The following GABBR2 variants were observed in gnomAD, a reference collection of about 807,000 sequenced individuals.
The protein encoded by GABBR2 is gamma-aminobutyric acid type B receptor subunit 2.
Under a neutral mutation model 105.6 loss-of-function variants are expected in GABBR2, and 23 were observed. The observed-to-expected ratio is 0.22, with a 90% CI of 0.16 to 0.31. The LOEUF (loss-of-function observed/expected upper bound fraction) is 0.31. Ranked by LOEUF, GABBR2 falls within the 10% of genes least tolerant of loss-of-function variation. GABBR2 has a pLI of 1.00. For missense variants in GABBR2, 734 were observed against 1,245.5 expected (o/e 0.59, Z 6.18); for synonymous variants, 478 against 499.7 (o/e 0.96, Z 0.58).
intron 3 of GABBR2, among the ~76,000 whole-genome samples, chr9:98,500,154 A>G (rs1305871162): frequency 6.6e-6 from 1 of 152,262 alleles, no homozygotes; most frequent in East Asian, 1.9e-4. Flanking sequence ...TTTTCTATTA[A>G]TCTCCTTTAT....
chr9:98,655,630 T>A (rs901003384), intron 1 of GABBR2, among the ~76,000 whole-genome samples: 10 of 152,180 alleles, frequency 6.6e-5, no homozygotes, highest in Admixed American at 5.9e-4. Context: ...ATGTGGCATA[T>A]ACACACCATG....
chr9:98,375,616 C>CCATT, intron 11 of GABBR2, among the ~76,000 whole-genome samples: 1 of 152,328 alleles, frequency 6.6e-6, no homozygotes. Context: ...AGGAAGACCA[C>CCATT]AGAGAGAACT....
At chr9:98,422,762 T>G (rs1277946025) in intron 7 of GABBR2, among the ~76,000 whole-genome samples, 1 of 82,352 alleles carries the variant, frequency 1.2e-5, no homozygotes, top group African/African-American at 5.1e-5. Flanking sequence ...CCCTCCCCCC[T>G]CCCCCTACCC....
At chr9:98,607,072 A>C in intron 1 of GABBR2, 16 of 1,474,704 alleles carry the variant, frequency 1.1e-5, no homozygotes, top group African/African-American at 1.4e-5. Flanking sequence ...AAATCAGTTA[A>C]GAGATCTGGT....
At chr9:98,302,580 C>T (rs1466840367) in intron 16 of GABBR2, among the ~76,000 whole-genome samples, 1 of 152,236 alleles carries the variant, frequency 6.6e-6, no homozygotes, top group Admixed American at 6.5e-5. Context: ...CTGTCCCCCT[C>T]CCTAATCAGA....
intron 2 of GABBR2, among the ~76,000 whole-genome samples, chr9:98,559,660 C>A (rs1363045370): frequency 6.6e-6 from 1 of 152,202 alleles, no homozygotes; most frequent in East Asian, 1.9e-4. Context: ...ATTATAGATG[C>A]ATTTATCCTT....
chr9:98,305,960 C>T (rs1830544096), intron 15 of GABBR2, among the ~76,000 whole-genome samples, 161 bp downstream of exon 15: 1 of 152,048 alleles, frequency 6.6e-6, no homozygotes, highest in African/African-American at 2.4e-5. Flanking sequence ...AAAACCTGGC[C>T]TTTACTACTG....
chr9:98,595,856 G>A (rs555412459), intron 1 of GABBR2, among the ~76,000 whole-genome samples: 1 of 152,106 alleles, frequency 6.6e-6, no homozygotes, highest in Non-Finnish European at 1.5e-5. Flanking sequence ...GAGCCAATCT[G>A]GGTCTCCTCC....
chr9:98,695,739 C>T (rs1182046595), intron 1 of GABBR2, among the ~76,000 whole-genome samples: 2 of 152,316 alleles, frequency 1.3e-5, no homozygotes, highest in Non-Finnish European at 1.5e-5. Context: ...AGTATCATCC[C>T]CATCTCACGG....
At chr9:98,574,733 A>C (rs1294152274) in intron 2 of GABBR2, among the ~76,000 whole-genome samples, 2 of 152,046 alleles carry the variant, frequency 1.3e-5, no homozygotes, top group Admixed American at 6.6e-5. Context: ...GCTCATGGAG[A>C]GGCCAGGTAG....
At chr9:98,447,262 C>T (rs1826149619) in intron 7 of GABBR2, among the ~76,000 whole-genome samples, 4 of 143,566 alleles carry the variant, frequency 2.8e-5, no homozygotes, top group African/African-American at 7.7e-5. Flanking sequence ...GGGGTTTCAC[C>T]GTTTTTTAGC....
intron 6 of GABBR2, among the ~76,000 whole-genome samples, chr9:98,466,927 C>T (rs1826570235): frequency 6.6e-6 from 1 of 152,194 alleles, no homozygotes; most frequent in African/African-American, 2.4e-5. Flanking sequence ...TAGAATGATG[C>T]TTCCTTGTCA....
intron 1 of GABBR2, chr9:98,607,581 T>A: frequency 1.5e-6 from 1 of 679,748 alleles, no homozygotes; most frequent in South Asian, 1.9e-5. Context: ...GTAGTAATAC[T>A]ATCATCAAAG....
chr9:98,577,928 A>C lies in GABBR2; in HGVS notation c.459+7T>G. ...CTCCCCACAAAAGAAGGTAGCTCAGACCTTACCTGCACCAGATTCCAGCCT... is the reference window on the plus strand; with the variant it reads ...CTCCCCACAAAAGAAGGTAGCTCAGCCCTTACCTGCACCAGATTCCAGCCT... On this transcript the variant is annotated splice_region_variant and intron_variant, in intron 2 of 18. Coordinates refer to ENST00000259455, the MANE Select transcript of GABBR2 (RefSeq NM_005458.8). 3 of 1,609,254 alleles carry C rather than the reference A, an allele frequency of 1.9e-6. No individual in the cohort carries two copies. The highest frequency in any genetic ancestry group is 2.5e-6 in the Non-Finnish European group (3 of 1,177,328).
intron 13 of GABBR2, among the ~76,000 whole-genome samples, chr9:98,346,119 G>A (rs1214718865): frequency 1.3e-5 from 2 of 152,220 alleles, no homozygotes; most frequent in Non-Finnish European, 2.9e-5. Context: ...GCTGAAGGCT[G>A]GGGTGGCTGT....
intron 7 of GABBR2, among the ~76,000 whole-genome samples, chr9:98,443,678 T>C (rs1210611424): frequency 6.6e-6 from 1 of 152,204 alleles, no homozygotes; most frequent in Non-Finnish European, 1.5e-5. Context: ...TCAGCAAATA[T>C]ATTTCATGGA....
intron 2 of GABBR2, among the ~76,000 whole-genome samples, chr9:98,574,227 C>T (rs918678834): frequency 1.1e-4 from 16 of 152,364 alleles, no homozygotes; most frequent in African/African-American, 3.6e-4. Context: ...TTACCTCCCA[C>T]TACACCTTGG....
At chr9:98,659,378 T>G (rs1352636368) in intron 1 of GABBR2, among the ~76,000 whole-genome samples, 2 of 152,144 alleles carry the variant, frequency 1.3e-5, no homozygotes, top group African/African-American at 2.4e-5. Context: ...CTGGAGAAAA[T>G]CAGACGATAC....
At chr9:98,557,148 C>T (rs752800132) in intron 2 of GABBR2, among the ~76,000 whole-genome samples, 4 of 152,124 alleles carry the variant, frequency 2.6e-5, no homozygotes. Context: ...GGTTATGAGG[C>T]CCACTTGGCC....
Sources: gnomAD v4.1 joint callset for allele counts (sites outside exome capture counted in the v4.1 genomes callset) on GRCh38, gnomAD v4.1.1 for gene constraint, MANE v1.5 for transcripts, NCBI Gene and HGNC (gene_info 2026-07-23, HGNC 2026-07-21) for gene names.